Variants in PLXNA4 observed in about 807,000 individuals in gnomAD.
PLXNA4 encodes plexin A4.
Under a neutral mutation model 191.8 loss-of-function variants are expected in PLXNA4, and 44 were observed. The observed-to-expected ratio is 0.23, with a 90% confidence interval of 0.18 to 0.29. PLXNA4 has a LOEUF of 0.29. PLXNA4 is among the 10% of genes least tolerant of loss of function. The pLI, the probability that PLXNA4 is intolerant of heterozygous loss-of-function variation, is 1.00. For missense variants in PLXNA4, 1,800 were observed against 2,488.8 expected (o/e 0.72, Z 5.89); for synonymous variants, 1,082 against 1,009.5 (o/e 1.07, Z -1.36).
chr7:132,331,393 G>C (rs529065098), intron 3 of PLXNA4, among the ~76,000 whole-genome samples: 1 of 152,214 alleles, frequency 6.6e-6, no homozygotes, highest in Non-Finnish European at 1.5e-5. Flanking sequence ...AGCCTGTGCT[G>C]CAACCTCCAC....
chr7:132,168,294 G>T lies in PLXNA4; in HGVS notation c.4286+10C>A. 3 of 1,527,996 alleles carry T rather than the reference G, an allele frequency of 2.0e-6. No homozygotes were observed. Among genetic ancestry groups the T allele is most frequent in the Non-Finnish European group, 2.6e-6 (3 of 1,133,898 alleles). The allele number at this position is 1,527,996 out of a possible 1,614,324, so 94.7% of individuals were successfully genotyped here. ...AGGCTGGAGCAGGGTGCCCCAGACT[G>T]CACCCTCACCTCCTGAGCAGCAGCT... On this transcript the variant is annotated intron_variant, in intron 22 of 31. Transcript: ENST00000321063.
At chr7:132,301,990 C>G (rs990738789) in intron 3 of PLXNA4, among the ~76,000 whole-genome samples, 13 of 152,198 alleles carry the variant, frequency 8.5e-5, no homozygotes, top group Admixed American at 2.6e-4. Flanking sequence ...GAACCCAGGT[C>G]TCCTGATTCC....
intron 4 of PLXNA4, among the ~76,000 whole-genome samples, chr7:132,260,691 A>G (rs1294371957): frequency 1.3e-5 from 2 of 149,576 alleles, no homozygotes; most frequent in East Asian, 1.9e-4. Flanking sequence ...AAAAAAAAGG[A>G]TCTGTGGTTT....
chr7:132,561,754 CCTCCTCCTT>C (rs1372662162), intron 1 of PLXNA4, among the ~76,000 whole-genome samples: 1 of 141,792 alleles, frequency 7.1e-6, no homozygotes, highest in East Asian at 2.3e-4. Context: ...TTCTTCTCCT[CCTCCTCCTT>C]CTCCTCCTTC....
chr7:132,507,964 A>T lies in PLXNA4; in HGVS notation c.730T>A (p.Tyr244Asn). ...FTIIPDFDIY[Y>N]VYGFSSGNFV... is the part of the protein sequence containing the mutation. ...TTGCCACTGCTAAAACCATAGACAT[A>T]GTAGATATCAAAGTCAGGGATGATG... is the stretch of plus-strand genomic sequence containing the variant. Residue 244 changes from tyrosine to asparagine, a missense_variant, in exon 2 of 32, where the codon TAT (tyrosine) becomes AAT (asparagine). By Grantham distance (143) the Tyr-to-Asn change is moderately radical (BLOSUM62 -2). Coordinates refer to ENST00000321063, the MANE Select transcript of PLXNA4 (RefSeq NM_020911.2). 1 of 1,614,192 alleles carries T rather than the reference A, an allele frequency of 6.2e-7. No individual in the cohort carries two copies. Among genetic ancestry groups the T allele is most frequent in the Non-Finnish European group, 8.5e-7 (1 of 1,180,040 alleles).
At chr7:132,167,355 G>C (rs1172777348) in intron 22 of PLXNA4, among the ~76,000 whole-genome samples, 1 of 152,142 alleles carries the variant, frequency 6.6e-6, no homozygotes, top group Non-Finnish European at 1.5e-5. Flanking sequence ...CCCATTTACA[G>C]CCTACAGCAG....
chr7:132,209,864 C>T (rs1457895558), intron 10 of PLXNA4, among the ~76,000 whole-genome samples: 2 of 152,144 alleles, frequency 1.3e-5, no homozygotes, highest in African/African-American at 2.4e-5. Flanking sequence ...CCACCTCTGC[C>T]ACTCACTAGT....
chr7:132,152,399 G>T (rs1795672116), intron 25 of PLXNA4, among the ~76,000 whole-genome samples: 1 of 152,186 alleles, frequency 6.6e-6, no homozygotes. Context: ...GGCTGAATCA[G>T]CCTCAGGAGG....
At chr7:132,210,864 G>A in intron 10 of PLXNA4, 79 bp downstream of exon 10, 1 of 1,491,880 alleles carries the variant, frequency 6.7e-7, no homozygotes, top group Non-Finnish European at 9.2e-7. Context: ...GGGCTGAGCT[G>A]ATTTGGCTCC....
At chr7:132,358,489 G>A (rs952599447) in intron 3 of PLXNA4, among the ~76,000 whole-genome samples, 3 of 152,182 alleles carry the variant, frequency 2.0e-5, no homozygotes, top group Non-Finnish European at 2.9e-5. Flanking sequence ...AGAAGAAAAC[G>A]GAAGGAGGAT....
At chr7:132,369,986 T>C (rs538398543) in intron 3 of PLXNA4, among the ~76,000 whole-genome samples, 40 of 149,864 alleles carry the variant, frequency 2.7e-4, no homozygotes, top group Non-Finnish European at 1.6e-4. Context: ...GAGCATGGCA[T>C]GAACCTGGGA....
chr7:132,156,906 C>T (rs912331275), intron 25 of PLXNA4, among the ~76,000 whole-genome samples: 3 of 152,146 alleles, frequency 2.0e-5, no homozygotes, highest in Admixed American at 6.5e-5. Flanking sequence ...CAGCTCTAAA[C>T]TCTAGATTTA....
At chr7:132,635,329 G>A (rs948639884) in intron 2 of PLXNA4, among the ~76,000 whole-genome samples, 1 of 151,870 alleles carries the variant, frequency 6.6e-6, no homozygotes, top group Non-Finnish European at 1.5e-5. Context: ...CACTCTCAAT[G>A]CCAGCACAGC....
At chr7:132,498,595 A>G (rs1469180446) in intron 2 of PLXNA4, among the ~76,000 whole-genome samples, 1 of 152,176 alleles carries the variant, frequency 6.6e-6, no homozygotes, top group African/African-American at 2.4e-5. Flanking sequence ...ATGGGGACAT[A>G]GCCAAACCAT....
At chr7:132,517,439 A>G (rs745722172) in intron 1 of PLXNA4, among the ~76,000 whole-genome samples, 2 of 152,252 alleles carry the variant, frequency 1.3e-5, no homozygotes, top group Non-Finnish European at 2.9e-5. Context: ...TGCACCCACC[A>G]GGAACATCAG....
chr7:132,559,143 T>G (rs1422230764), intron 1 of PLXNA4, among the ~76,000 whole-genome samples: 3 of 152,148 alleles, frequency 2.0e-5, no homozygotes, highest in Non-Finnish European at 4.4e-5. Flanking sequence ...TTGGAGAAAC[T>G]GCTGAATTCC....
intron 2 of PLXNA4, among the ~76,000 whole-genome samples, chr7:132,619,144 T>G (rs867206620): frequency 6.6e-6 from 1 of 152,222 alleles, no homozygotes; most frequent in African/African-American, 2.4e-5. Flanking sequence ...GATTTCCGCC[T>G]GTTTTGAATC....
At chr7:132,341,890 T>C (rs891949466) in intron 3 of PLXNA4, among the ~76,000 whole-genome samples, 1 of 152,154 alleles carries the variant, frequency 6.6e-6, no homozygotes, top group Non-Finnish European at 1.5e-5. Flanking sequence ...TATTATCTAA[T>C]GAGAAAAATA....
At chr7:132,303,622 T>C (rs935112453) in intron 3 of PLXNA4, among the ~76,000 whole-genome samples, 1 of 152,112 alleles carries the variant, frequency 6.6e-6, no homozygotes, top group Admixed American at 6.6e-5. Flanking sequence ...CTTTGGTTGT[T>C]TGGAAGATGT....
Sources: allele counts gnomAD v4.1 joint callset (sites outside exome capture counted in the v4.1 genomes callset), GRCh38; gene constraint gnomAD v4.1.1; transcripts MANE v1.5; gene names NCBI Gene and HGNC (gene_info 2026-07-23, HGNC 2026-07-21).